The following NAGK variants were observed in gnomAD, a reference collection of about 807,000 sequenced individuals.
NAGK encodes N-acetyl-D-glucosamine kinase.
A neutral mutation model predicts 42.9 loss-of-function variants in NAGK; 35 were observed. The ratio of observed to expected loss-of-function variants is 0.82; its 90% CI spans 0.62 to 1.08. The LOEUF is 1.08. NAGK is among the 50% of genes least tolerant of loss of function. The pLI, the probability that NAGK is intolerant of heterozygous loss-of-function variation, is 0.00. For missense variants in NAGK, 446 were observed against 446.0 expected (o/e 1.00, Z 0.00); for synonymous variants, 172 against 176.0 (o/e 0.98, Z 0.18).
chr2:71,070,695 GCTTC>G (rs1244971889), intron 2 of NAGK, 42 bp from the exon 3 acceptor site: 2 of 1,612,500 alleles, frequency 1.2e-6, no homozygotes, highest in Non-Finnish European at 8.5e-7. Context: ...GGGCAACATA[GCTTC>G]TGTAAGCCTT....
At chr2:71,070,674 G>A in intron 2 of NAGK, 67 bp from the exon 3 acceptor site, 1 of 1,605,702 alleles carries the variant, frequency 6.2e-7, no homozygotes, top group Non-Finnish European at 8.5e-7. Context: ...GACTCACAGA[G>A]CAGCCTGTGG....
intron 1 of NAGK, 139 bp from the exon 2 acceptor site, chr2:71,070,363 G>A (rs1380855239): frequency 3.2e-6 from 2 of 623,216 alleles, no homozygotes; most frequent in East Asian, 5.8e-5. Flanking sequence ...GAACCACAGA[G>A]GCGGGTTTGG....
At chr2:71,071,538 T>G in intron 3 of NAGK, 148 bp from the exon 4 acceptor site, 8 of 1,089,432 alleles carry the variant, frequency 7.3e-6, no homozygotes, top group East Asian at 2.7e-5. Flanking sequence ...TGAGGGGTCA[T>G]TGTGTGGGGA....
intron 7 of NAGK, chr2:71,075,879 T>G (rs935838725): frequency 2.0e-4 from 108 of 548,610 alleles, no homozygotes; most frequent in Non-Finnish European, 3.9e-5. Flanking sequence ...TATCATGGCT[T>G]GCTTAGGCTG....
In NAGK at chr2:71,076,694, T is replaced by C; in HGVS notation, c.758T>C (p.Ile253Thr). 6.2e-7 allele frequency: 1 copy of C among 1,613,436 alleles called. No homozygotes were observed. The highest frequency in any genetic ancestry group is 1.1e-5 in the South Asian group (1 of 91,040). Residue 253 changes from isoleucine to threonine, a missense_variant, in exon 8 of 10, where the codon ATT (isoleucine) becomes ACT (threonine). Ile to Thr is a moderately conservative substitution (Grantham distance 89). Transcript: ENST00000244204. ...GRHIVAVLPE[I>T]DPVLFQGKIG... ...CACATCGTAGCAGTGTTGCCCGAGATTGACCCGGTGAGTTGAGGTGGGAGT... is the reference window on the plus strand; with the variant it reads ...CACATCGTAGCAGTGTTGCCCGAGACTGACCCGGTGAGTTGAGGTGGGAGT...
chr2:71,073,702 G>T (rs1672113557), intron 6 of NAGK, 108 bp downstream of exon 6: 1 of 926,084 alleles, frequency 1.1e-6, no homozygotes, highest in Admixed American at 1.7e-5. Flanking sequence ...AGGAAATAGG[G>T]TGAGTTGTGG....
At chr2:71,073,056 A>C in intron 5 of NAGK, 1 of 464,498 alleles carries the variant, frequency 2.2e-6, no homozygotes, top group Non-Finnish European at 4.0e-6. Context: ...AAGGCCATAG[A>C]TGCCAGGAGA....
At chr2:71,073,676 G>A in intron 6 of NAGK, 82 bp downstream of exon 6, 1 of 1,184,604 alleles carries the variant, frequency 8.4e-7, no homozygotes, top group Non-Finnish European at 1.3e-6. Flanking sequence ...GCAGGGGAGG[G>A]CCTGGGCGGA....
In NAGK at chr2:71,071,722, G is replaced by T. The variant is rs571170804; in HGVS notation, c.250G>T (p.Gly84Trp). The T allele has an allele frequency of 6.2e-7, 1 of 1,614,036 alleles. No individual in the cohort carries two copies. The highest frequency in any genetic ancestry group is 8.5e-7 in the Non-Finnish European group (1 of 1,180,012). The change falls in exon 4 of 10, where the codon GGG becomes TGG. Residue 84 changes from glycine to tryptophan, a missense_variant. Physicochemically the swap from Gly to Trp is radical, Grantham distance 184 (BLOSUM62 -2). Transcript: ENST00000244204. ...SLSGGDQEDA[G>W]RILIEELRDR... ...GAGCGGTGGGGACCAGGAGGACGCG[G>T]GGAGGATCCTGATCGAGGAGCTGAG...
At chr2:71,072,965 C>T (rs1425712709) in intron 5 of NAGK, 1 of 609,164 alleles carries the variant, frequency 1.6e-6, no homozygotes, top group East Asian at 3.2e-5. Flanking sequence ...TGACTTGCAC[C>T]CAGGACTCAG....
chr2:71,076,529 C>CAG, intron 7 of NAGK, 75 bp from the exon 8 acceptor site: 1 of 1,237,484 alleles, frequency 8.1e-7, no homozygotes, highest in Non-Finnish European at 1.2e-6. Flanking sequence ...TGCCTTGCAA[C>CAG]AGAGAGAGGA....
At chr2:71,072,265 A>G (rs1672043532) in intron 4 of NAGK, 1 of 266,830 alleles carries the variant, frequency 3.7e-6, no homozygotes, top group Non-Finnish European at 7.3e-6. Context: ...TCATCTATAA[A>G]ATAGAGGAAG....
At chr2:71,077,102 A>G (rs1314843510) in intron 8 of NAGK, among the ~76,000 whole-genome samples, 1 of 152,014 alleles carries the variant, frequency 6.6e-6, no homozygotes, top group African/African-American at 2.4e-5. Context: ...CAGCCTCCCC[A>G]GTAGCTGGGA....
chr2:71,070,619 G>C (rs1671966492), intron 2 of NAGK, 33 bp downstream of exon 2: 2 of 1,607,088 alleles, frequency 1.2e-6, no homozygotes, highest in Admixed American at 3.3e-5. Context: ...CAGAGGGCTT[G>C]GTTCTGATTT....
intron 7 of NAGK, chr2:71,076,035 G>C: frequency 4.2e-6 from 1 of 239,950 alleles, no homozygotes; most frequent in Non-Finnish European, 8.3e-6. Flanking sequence ...GCTGAACAGA[G>C]GGCTTGTATA....
intron 1 of NAGK, chr2:71,069,040 A>T: frequency 2.7e-6 from 3 of 1,096,988 alleles, no homozygotes; most frequent in Non-Finnish European, 3.3e-6. Context: ...CCTCGGACAG[A>T]GTTTTGCAGA....
chr2:71,070,739 A>T lies in NAGK; in HGVS notation c.115-2A>T, dbSNP rs748087296. 4.1e-5 allele frequency: 66 copies of T among 1,614,092 alleles called. No homozygotes were observed. Among genetic ancestry groups the T allele is most frequent in the Non-Finnish European group, 5.4e-5 (64 of 1,180,030 alleles). On this transcript the variant is annotated splice_acceptor_variant, in intron 2 of 9. Coordinates refer to ENST00000244204, the MANE Select transcript of NAGK (RefSeq NM_017567.6). LOFTEE classifies it high-confidence loss of function. The stretch of plus-strand genomic sequence containing the variant: ...ACTCCTTCTTCCCTTGATTGGGGCC[A>T]GCTGATCGGGACAGACAAGTGTGTG...
At chr2:71,072,342 A>C in intron 4 of NAGK, 1 of 413,768 alleles carries the variant, frequency 2.4e-6, no homozygotes. Context: ...GCACAATCCC[A>C]GTAAAGCAGG....
rs1469110332 is a variant in NAGK, at chr2:71,078,484, C to T, written c.1011C>T (p.Ala337=). 1 of 1,581,364 alleles carries T rather than the reference C, an allele frequency of 6.3e-7. No individual in the cohort carries two copies. The highest frequency in any genetic ancestry group is 1.1e-5 in the South Asian group (1 of 87,974). Residue 337 remains alanine (A), a synonymous_variant, in exon 10 of 10, where the codon GCC becomes GCT. Coordinates refer to ENST00000244204, the MANE Select transcript of NAGK (RefSeq NM_017567.6). ...LPMDYSANAI[A]FYSYTFS is the part of the protein sequence containing the mutation. ...TGGACTATAGCGCCAATGCCATTGC[C>T]TTCTATTCCTACACCTTTTCCTAGG...
Sources: gnomAD v4.1 joint callset for allele counts (sites outside exome capture counted in the v4.1 genomes callset) on GRCh38, gnomAD v4.1.1 for gene constraint, MANE v1.5 for transcripts, NCBI Gene and HGNC (gene_info 2026-07-23, HGNC 2026-07-21) for gene names.